DOCK2: variants seen among roughly 807,000 people sequenced by gnomAD.
DOCK2 encodes dedicator of cytokinesis 2.
Under a neutral mutation model 248.9 loss-of-function variants are expected in DOCK2, and 87 were observed. The ratio of observed to expected loss-of-function variants is 0.35; its 90% CI spans 0.29 to 0.42. The LOEUF is 0.42. Among genes scored for constraint, DOCK2 ranks in the 10% least tolerant of loss-of-function variants. The pLI, the probability that DOCK2 is intolerant of heterozygous loss-of-function variation, is 1.00. For missense variants in DOCK2, 1,747 were observed against 2,300.2 expected, an observed-to-expected ratio of 0.76 and a Z score of 4.92; for synonymous variants, 805 against 821.6, an observed-to-expected ratio of 0.98 and a Z score of 0.35.
At chr5:169,802,968 T>C in intron 25 of DOCK2, 90 bp from the exon 26 acceptor site, 1 of 1,430,716 alleles carries the variant, frequency 7.0e-7, no homozygotes, top group Non-Finnish European at 9.5e-7. Context: ...TCATGAACTA[T>C]TTATTTAATG....
chr5:170,061,373 C>T (rs549715396), intron 44 of DOCK2, among the ~76,000 whole-genome samples: 27 of 152,352 alleles, frequency 1.8e-4, no homozygotes, highest in African/African-American at 6.3e-4. Flanking sequence ...CTTTCCAGCT[C>T]TGCCCCGTGG....
intron 1 of DOCK2, among the ~76,000 whole-genome samples, chr5:169,652,816 C>T (rs1364331955): frequency 6.6e-6 from 1 of 152,146 alleles, no homozygotes; most frequent in Non-Finnish European, 1.5e-5. Flanking sequence ...TGGCGGTGGT[C>T]TCTGTGATGC....
At chr5:169,692,899 A>G (rs1382950748) in intron 9 of DOCK2, among the ~76,000 whole-genome samples, 1 of 152,160 alleles carries the variant, frequency 6.6e-6, no homozygotes, top group Non-Finnish European at 1.5e-5. Context: ...CACCAGTCAT[A>G]CTGACCAAAC....
chr5:169,982,724 T>C (rs1777974663), intron 27 of DOCK2, among the ~76,000 whole-genome samples: 1 of 152,246 alleles, frequency 6.6e-6, no homozygotes, highest in Non-Finnish European at 1.5e-5. Context: ...GATACTGCTC[T>C]AGAGGTAGAT....
At position 169,700,070 on chromosome 5, in the gene DOCK2, T is replaced by C; in HGVS notation, c.1189T>C (p.Tyr397His). The change falls in exon 13 of 52, where the codon TAT becomes CAT. Residue 397 changes from tyrosine (Y) to histidine (H), a missense_variant. This residue lies in a region of DOCK2 where 375 missense variants were observed against 510.9 expected (regional missense o/e 0.73). Transcript: ENST00000520908. ...TGACATCATTCAGATTCGCAAGGAC[T>C]ATCCACACCTGGTGGACAGGACCAC... ...VGDIIQIRKD[Y>H]PHLVDRTTVV... 6.2e-7 allele frequency: 1 copy of C among 1,614,046 alleles called. No homozygotes were observed.
Position 170,054,846 on chromosome 5 carries a change from C to G in DOCK2, c.4214-459C>G, listed in dbSNP as rs1172836751. On this transcript the variant is annotated intron_variant, in intron 41 of 51. Coordinates refer to ENST00000520908, the MANE Select transcript of DOCK2 (RefSeq NM_004946.3). ...TAGAGTTAGAAGACCTAAATACAAA[C>G]TCGGATCTGTTCTTACAAGTTGTGT... is the stretch of plus-strand genomic sequence containing the variant. Among the ~76,000 whole-genome samples the G allele has an allele frequency of 2.6e-5, 4 of 152,138 alleles. No homozygotes were observed. The East Asian group carries it at 7.7e-4, about 29-fold the overall frequency.
chr5:169,701,698 G>A (rs931001901), intron 13 of DOCK2, among the ~76,000 whole-genome samples: 4 of 151,918 alleles, frequency 2.6e-5, no homozygotes, highest in Non-Finnish European at 5.9e-5. Context: ...TGTATTTTTT[G>A]ATACAGACAG....
At chr5:169,994,566 G>T (rs1006294003) in intron 29 of DOCK2, among the ~76,000 whole-genome samples, 1 of 152,184 alleles carries the variant, frequency 6.6e-6, no homozygotes, top group Non-Finnish European at 1.5e-5. Flanking sequence ...TGGTGGGATG[G>T]TGGAAAACTA....
intron 46 of DOCK2, 72 bp downstream of exon 46, chr5:170,069,292 G>A (rs1292569264): frequency 1.3e-5 from 19 of 1,513,954 alleles, no homozygotes; most frequent in African/African-American, 9.6e-5. Flanking sequence ...CTTGCCCCAC[G>A]CTAGGCTCTA....
At chr5:169,719,699 C>T (rs572945055) in intron 22 of DOCK2, among the ~76,000 whole-genome samples, 34 of 152,286 alleles carry the variant, frequency 2.2e-4, no homozygotes, top group African/African-American at 8.2e-4. Flanking sequence ...TGCTAGAATC[C>T]TCAAGTTTAC....
intron 27 of DOCK2, among the ~76,000 whole-genome samples, chr5:169,866,146 G>T (rs1771542651): frequency 6.6e-6 from 1 of 151,982 alleles, no homozygotes; most frequent in African/African-American, 2.4e-5. Flanking sequence ...TTCTTAGGGA[G>T]CACTAGGAAA....
At chr5:170,041,962 CT>C in intron 37 of DOCK2, 50 bp from the exon 38 acceptor site, 1 of 1,598,270 alleles carries the variant, frequency 6.3e-7, no homozygotes, top group Non-Finnish European at 8.5e-7. Context: ...AAGACACCTG[CT>C]CTTGGCAGCC....
chr5:170,027,600 C>G (rs1581538055), intron 33 of DOCK2, among the ~76,000 whole-genome samples: 1 of 152,216 alleles, frequency 6.6e-6, no homozygotes, highest in African/African-American at 2.4e-5. Flanking sequence ...TCTCCTCCCT[C>G]TCTCCCTCTC....
At chr5:169,650,139 AG>A (rs1266215726) in intron 1 of DOCK2, among the ~76,000 whole-genome samples, 11 of 152,168 alleles carry the variant, frequency 7.2e-5, no homozygotes. Context: ...CTGTGACTAT[AG>A]TACTCAGAGC....
intron 27 of DOCK2, among the ~76,000 whole-genome samples, chr5:169,918,870 A>G (rs1158141712): frequency 6.6e-6 from 1 of 152,206 alleles, no homozygotes; most frequent in African/African-American, 2.4e-5. Flanking sequence ...AGATCATACC[A>G]CTGCATTCCA....
intron 39 of DOCK2, among the ~76,000 whole-genome samples, chr5:170,046,769 T>TACACAC (rs58071736): frequency 2.8e-4 from 41 of 148,826 alleles, no homozygotes; most frequent in African/African-American, 8.9e-4. Context: ...CACACACACA[T>TACACAC]ACACACACAC....
At chr5:169,938,273 C>T (rs1776081575) in intron 27 of DOCK2, among the ~76,000 whole-genome samples, 1 of 151,116 alleles carries the variant, frequency 6.6e-6, no homozygotes, top group African/African-American at 2.4e-5. Flanking sequence ...CCTGGGATGT[C>T]CGTGTCCAAA....
intron 15 of DOCK2, 50 bp downstream of exon 15, chr5:169,708,317 C>G (rs1305735214): frequency 1.9e-6 from 3 of 1,543,922 alleles, no homozygotes; most frequent in Admixed American, 1.8e-5. Flanking sequence ...TACCATGAAC[C>G]AGGCACTGTT....
In DOCK2 at chr5:170,067,592, A is replaced by G; in HGVS notation, c.4550A>G (p.Gln1517Arg). 2.5e-6 allele frequency: 4 copies of G among 1,614,216 alleles called. No individual in the cohort carries two copies. Among genetic ancestry groups the G allele is most frequent in the Non-Finnish European group, 3.4e-6 (4 of 1,180,026 alleles). ...EKILMMINQY[Q>R]SDETLPINPL... ...ATCCTGATGATGATAAACCAGTACCAGAGTGATGAGACCCTCCCCATCAAC... is the reference window on the plus strand; with the variant it reads ...ATCCTGATGATGATAAACCAGTACCGGAGTGATGAGACCCTCCCCATCAAC... Residue 1517 changes from glutamine (Q) to arginine (R), a missense_variant, in exon 45 of 52, where the codon CAG becomes CGG. Around this residue, in one of 4 missense-constraint regions of DOCK2, gnomAD observed 513 missense variants for 586.1 expected, o/e 0.88. Transcript: ENST00000520908.
Sources: allele counts gnomAD v4.1 joint callset (sites outside exome capture counted in the v4.1 genomes callset), GRCh38; gene constraint gnomAD v4.1.1; regional missense constraint gnomAD v4.1.1; transcripts MANE v1.5; gene names NCBI Gene and HGNC (gene_info 2026-07-23, HGNC 2026-07-21).